The following MSI2 variants were observed in gnomAD, a reference collection of about 807,000 sequenced individuals.
MSI2 encodes the protein musashi RNA binding protein 2, also known as RNA-binding protein Musashi homolog 2.
MSI2 carries 17 observed loss-of-function variants against 45.6 expected under a neutral mutation model. The observed-to-expected ratio is 0.37, with a 90% CI of 0.26 to 0.56. MSI2 has a LOEUF of 0.56. Among genes scored for constraint, MSI2 ranks in the 20% least tolerant of loss-of-function variants. The pLI is 0.77. For synonymous variants in MSI2, 156 were observed against 158.2 expected (o/e 0.99, Z 0.11); for missense variants, 293 against 444.2 (o/e 0.66, Z 3.06).
intron 5 of MSI2, among the ~76,000 whole-genome samples, chr17:57,344,851 T>C (rs1915466900): frequency 6.6e-6 from 1 of 151,814 alleles, no homozygotes; most frequent in Non-Finnish European, 1.5e-5. Flanking sequence ...GATTACGAGG[T>C]CAGGAGTTCG....
At chr17:57,391,648 C>T (rs984959009) in intron 5 of MSI2, among the ~76,000 whole-genome samples, 1 of 152,128 alleles carries the variant, frequency 6.6e-6, no homozygotes, top group South Asian at 2.1e-4. Context: ...GCAACTCGGG[C>T]TCCCACTGCT....
chr17:57,336,100 C>T (rs374609455), intron 5 of MSI2, among the ~76,000 whole-genome samples: 34 of 152,134 alleles, frequency 2.2e-4, no homozygotes, highest in African/African-American at 7.5e-4. Context: ...GCACGGGTAA[C>T]GGTGAAGAGG....
intron 8 of MSI2, among the ~76,000 whole-genome samples, chr17:57,615,422 C>G (rs1277590989): frequency 6.6e-6 from 1 of 152,152 alleles, no homozygotes; most frequent in Non-Finnish European, 1.5e-5. Context: ...TGATCCCCCA[C>G]GCCCAGCCAA....
chr17:57,481,769 G>C (rs1335591927), intron 6 of MSI2, among the ~76,000 whole-genome samples: 2 of 152,212 alleles, frequency 1.3e-5, no homozygotes, highest in African/African-American at 4.8e-5. Context: ...GAACATAACT[G>C]CTGTCAAAAT....
chr17:57,528,831 AGGTCCTGGGG>A (rs369476336), intron 6 of MSI2, among the ~76,000 whole-genome samples: 2 of 152,280 alleles, frequency 1.3e-5, no homozygotes, highest in Non-Finnish European at 2.9e-5. Flanking sequence ...TCACATTTTG[AGGTCCTGGGG>A]GTTAGGACTT....
chr17:57,373,058 G>A (rs2083443812), intron 5 of MSI2, among the ~76,000 whole-genome samples: 1 of 152,050 alleles, frequency 6.6e-6, no homozygotes, highest in Non-Finnish European at 1.5e-5. Context: ...AGACCAGCCT[G>A]GCCAACATAG....
chr17:57,432,081 C>T (rs2084606391), intron 6 of MSI2, among the ~76,000 whole-genome samples: 1 of 152,070 alleles, frequency 6.6e-6, no homozygotes. Flanking sequence ...AGTTGTGTCG[C>T]ACTTCATAAC....
chr17:57,406,276 C>T (rs1371371436), intron 6 of MSI2, among the ~76,000 whole-genome samples: 1 of 152,144 alleles, frequency 6.6e-6, no homozygotes, highest in Non-Finnish European at 1.5e-5. Context: ...GCACTGTTCT[C>T]CCGGCAGAGC....
At chr17:57,486,728 T>A (rs1262394003) in intron 6 of MSI2, among the ~76,000 whole-genome samples, 1 of 152,196 alleles carries the variant, frequency 6.6e-6, no homozygotes, top group Non-Finnish European at 1.5e-5. Flanking sequence ...ATCCTGAGTG[T>A]GGGAAGGAGA....
intron 5 of MSI2, among the ~76,000 whole-genome samples, chr17:57,338,902 T>C (rs1265602367): frequency 6.6e-6 from 1 of 151,590 alleles, no homozygotes; most frequent in Non-Finnish European, 1.5e-5. Flanking sequence ...GCAAGGAGAG[T>C]CCTTTATTTG....
intron 5 of MSI2, among the ~76,000 whole-genome samples, chr17:57,356,628 C>T (rs1916442835): frequency 6.6e-6 from 1 of 152,144 alleles, no homozygotes; most frequent in South Asian, 2.1e-4. Flanking sequence ...CATCTCAATA[C>T]ACAGATGGTT....
At chr17:57,490,534 C>A (rs1332358519) in intron 6 of MSI2, among the ~76,000 whole-genome samples, 1 of 152,164 alleles carries the variant, frequency 6.6e-6, no homozygotes, top group African/African-American at 2.4e-5. Context: ...CCAGGAAGGG[C>A]TTGTGCATGC....
intron 5 of MSI2, among the ~76,000 whole-genome samples, chr17:57,362,177 T>C (rs1273660060): frequency 6.6e-6 from 1 of 152,222 alleles, no homozygotes; most frequent in African/African-American, 2.4e-5. Flanking sequence ...CAAAATGAGG[T>C]TGGCTTTCAA....
At chr17:57,282,080 A>G (rs932579401) in intron 5 of MSI2, among the ~76,000 whole-genome samples, 4 of 152,088 alleles carry the variant, frequency 2.6e-5, no homozygotes, top group African/African-American at 9.7e-5. Context: ...AGTTGTCACT[A>G]CTGGATTTGG....
chr17:57,624,112 T>A (rs1216533154), intron 9 of MSI2, among the ~76,000 whole-genome samples: 5 of 152,202 alleles, frequency 3.3e-5, no homozygotes, highest in African/African-American at 1.2e-4. Context: ...AAAGCAGGTA[T>A]AATTGCATTG....
chr17:57,648,821 G>C (rs1337301562), intron 10 of MSI2, among the ~76,000 whole-genome samples: 1 of 152,176 alleles, frequency 6.6e-6, no homozygotes, highest in African/African-American at 2.4e-5. Flanking sequence ...CCCAGCCCCT[G>C]CTTTCCCAAG....
chr17:57,581,416 G>A (rs144568170), intron 7 of MSI2, among the ~76,000 whole-genome samples: 1 of 152,072 alleles, frequency 6.6e-6, no homozygotes, highest in African/African-American at 2.4e-5. Context: ...GGATTTCTAC[G>A]ATGTCCTCGG....
In MSI2 at chr17:57,401,427, A is replaced by G. The variant is rs1213510434; in HGVS notation, c.361A>G (p.Thr121Ala). The G allele has an allele frequency of 1.2e-6, 2 of 1,614,244 alleles. No homozygotes were observed. The highest frequency in any genetic ancestry group is 2.2e-5 in the South Asian group (2 of 91,086). ...KIFVGGLSAN[T>A]VVEDVKQYFE... is the part of the protein sequence containing the mutation. Reference sequence around the variant, plus strand: ...ATTTGTAGGCGGGTTATCTGCGAACACAGTAGTGGAAGATGTAAAGCAATA... The same window carrying G: ...ATTTGTAGGCGGGTTATCTGCGAACGCAGTAGTGGAAGATGTAAAGCAATA... Residue 121 changes from threonine (T) to alanine (A), a missense_variant, in exon 6 of 14, where the codon ACA becomes GCA. Thr to Ala is a moderately conservative substitution (Grantham distance 58, BLOSUM62 0). Coordinates refer to ENST00000284073, the MANE Select transcript of MSI2 (RefSeq NM_138962.4).
chr17:57,418,605 C>T (rs774876449), intron 6 of MSI2, among the ~76,000 whole-genome samples: 47 of 152,160 alleles, frequency 3.1e-4, no homozygotes, highest in Non-Finnish European at 8.8e-5. Flanking sequence ...TCTGTGTGGA[C>T]GTGGTAGCCA....
Sources: allele counts gnomAD v4.1 joint callset (sites outside exome capture counted in the v4.1 genomes callset), GRCh38; gene constraint gnomAD v4.1.1; transcripts MANE v1.5; gene names NCBI Gene and HGNC (gene_info 2026-07-23, HGNC 2026-07-21).